SERGEF: variants seen among roughly 807,000 people sequenced by gnomAD.
SERGEF encodes the protein secretion-regulating guanine nucleotide exchange factor.
Under a neutral mutation model 50.0 loss-of-function variants are expected in SERGEF, and 51 were observed. The observed-to-expected ratio is 1.02, with a 90% CI of 0.81 to 1.29. The LOEUF (loss-of-function observed/expected upper bound fraction) is 1.29, where lower values mean the gene tolerates loss of function less well. SERGEF is among the 50% of genes most tolerant of loss of function. The pLI is 0.00. For synonymous variants in SERGEF, 205 were observed against 212.4 expected (o/e 0.97, Z 0.30); for missense variants, 521 against 557.0 (o/e 0.94, Z 0.65).
intron 8 of SERGEF, among the ~76,000 whole-genome samples, chr11:17,984,488 G>C (rs1486601359): frequency 6.6e-6 from 1 of 152,162 alleles, no homozygotes; most frequent in Non-Finnish European, 1.5e-5. Context: ...CATGAGAAAT[G>C]TACCCCAATG....
intron 10 of SERGEF, among the ~76,000 whole-genome samples, chr11:17,789,531 A>G (rs1849444672): frequency 6.6e-6 from 1 of 152,224 alleles, no homozygotes; most frequent in African/African-American, 2.4e-5. Flanking sequence ...GGTTTTAGAC[A>G]CTGTCCTAGG....
rs745573662 is a variant in SERGEF, at chr11:18,008,064, A to C, written c.73T>G (p.Tyr25Asp). ...AALFAWGANS[Y>D]GQLGLGHKED... is the part of the protein sequence containing the mutation. ...TTATGGCCGAGGCCAAGTTGCCCAT[A>C]GCTATTTGCACCCTAGGGATGAATA... The change falls in exon 2 of 11, where the codon TAT (tyrosine) becomes GAT (aspartate). Residue 25 changes from tyrosine (Y) to aspartate (D), a missense_variant. Coordinates refer to ENST00000265965, the MANE Select transcript of SERGEF (RefSeq NM_012139.4). 9 of 1,613,898 alleles carry C rather than the reference A, an allele frequency of 5.6e-6. No individual in the cohort carries two copies. Among genetic ancestry groups the C allele is most frequent in the African/African-American group, 1.3e-5 (1 of 74,914 alleles).
chr11:17,964,303 T>A (rs1348263787), intron 8 of SERGEF, among the ~76,000 whole-genome samples: 1 of 148,842 alleles, frequency 6.7e-6, no homozygotes, highest in African/African-American at 2.5e-5. Flanking sequence ...GTGGGTAGGG[T>A]GGGTGGATGA....
At chr11:17,795,184 T>A (rs188329046) in intron 10 of SERGEF, among the ~76,000 whole-genome samples, 15 of 152,282 alleles carry the variant, frequency 9.9e-5, no homozygotes, top group African/African-American at 3.6e-4. Context: ...CTGGTACATG[T>A]CAGGAAGGAT....
chr11:17,827,168 G>C (rs1006361602), intron 10 of SERGEF, among the ~76,000 whole-genome samples: 3 of 152,186 alleles, frequency 2.0e-5, no homozygotes, highest in Admixed American at 1.3e-4. Flanking sequence ...GGGCATGTAG[G>C]TAAACCTCTC....
intron 10 of SERGEF, among the ~76,000 whole-genome samples, chr11:17,870,467 A>G (rs1424334580): frequency 6.6e-6 from 1 of 152,224 alleles, no homozygotes; most frequent in East Asian, 1.9e-4. Flanking sequence ...GGTAGCCTTT[A>G]GTAGCTAGAA....
At chr11:17,858,373 T>C (rs1489628612) in intron 10 of SERGEF, among the ~76,000 whole-genome samples, 2 of 152,108 alleles carry the variant, frequency 1.3e-5, no homozygotes, top group Non-Finnish European at 2.9e-5. Context: ...TGACAGTCTA[T>C]GTAAAGGATG....
chr11:17,934,721 C>T (rs1852417819), intron 9 of SERGEF, among the ~76,000 whole-genome samples: 1 of 152,144 alleles, frequency 6.6e-6, no homozygotes, highest in Non-Finnish European at 1.5e-5. Context: ...ACTGACTAAC[C>T]TCAACCAAAT....
Position 17,884,718 on chromosome 11 carries a change from T to C in SERGEF, c.1012-6474A>G, listed in dbSNP as rs1851397336. On this transcript the variant is annotated intron_variant, in intron 9 of 10. Transcript: ENST00000265965. This position sits in a 1 kb window ranked among gnomAD's most constrained non-coding sequence, Gnocchi z 4.6. ...GCTTGAATTTGTATTTTATTTCATATATATGTGTATATGTTATATATACAT... is the reference window on the plus strand; with the variant it reads ...GCTTGAATTTGTATTTTATTTCATACATATGTGTATATGTTATATATACAT... 6.6e-6 allele frequency among the ~76,000 whole-genome samples: 1 copy of C among 152,180 alleles called. No homozygotes were observed. Among genetic ancestry groups the C allele is most frequent in the Non-Finnish European group, 1.5e-5 (1 of 68,024 alleles).
intron 10 of SERGEF, among the ~76,000 whole-genome samples, chr11:17,808,557 C>T (rs888207097): frequency 3.9e-5 from 6 of 152,182 alleles, no homozygotes; most frequent in African/African-American, 1.4e-4. Flanking sequence ...CAACAGGCCC[C>T]ACCTCCAACA....
intron 8 of SERGEF, among the ~76,000 whole-genome samples, chr11:17,962,499 TA>T (rs912561738): frequency 2.6e-5 from 4 of 152,154 alleles, no homozygotes; most frequent in Middle Eastern, 3.4e-3. Context: ...TTACTATGAT[TA>T]AAAAAAATAG....
At chr11:17,880,821 T>C (rs1163031953) in intron 9 of SERGEF, among the ~76,000 whole-genome samples, 2 of 152,110 alleles carry the variant, frequency 1.3e-5, no homozygotes, top group Non-Finnish European at 2.9e-5. Flanking sequence ...TGCATCATGG[T>C]GGTAAGATTG....
intron 9 of SERGEF, among the ~76,000 whole-genome samples, chr11:17,941,732 T>C (rs962384632): frequency 6.6e-6 from 1 of 152,246 alleles, no homozygotes; most frequent in Non-Finnish European, 1.5e-5. Context: ...GCAGCTGCAC[T>C]ATTTTACGTT....
At chr11:17,862,572 G>A (rs1158114992) in intron 10 of SERGEF, among the ~76,000 whole-genome samples, 2 of 152,230 alleles carry the variant, frequency 1.3e-5, no homozygotes, top group African/African-American at 4.8e-5. Context: ...AGTCATAGCT[G>A]TTCTACATTT....
intron 9 of SERGEF, among the ~76,000 whole-genome samples, chr11:17,880,076 C>T (rs505871): frequency 0.69 from 104,985 of 152,158 alleles, 37,040 homozygotes; most frequent in African/African-American, 0.83. Flanking sequence ...GCAGCAAGGC[C>T]TCCTAGGCTT....
Position 18,005,820 on chromosome 11 carries a change from C to G in SERGEF, c.352+771G>C, listed in dbSNP as rs76712976. Among the ~76,000 whole-genome samples the G allele has an allele frequency of 7.0e-3, 1,059 of 152,226 alleles. 70 individuals are homozygous for G. In the East Asian group the frequency reaches 0.15, roughly 22 times the overall value. ...GCTACCTGGCTTCACAAAGACCAAACAGATCTGCCTAACACATTTAGAAAA... is the reference window on the plus strand; with the variant it reads ...GCTACCTGGCTTCACAAAGACCAAAGAGATCTGCCTAACACATTTAGAAAA... On this transcript the variant is annotated intron_variant, in intron 3 of 10. Transcript: ENST00000265965.
chr11:17,960,211 T>G (rs146970793), intron 8 of SERGEF, among the ~76,000 whole-genome samples: 1 of 152,286 alleles, frequency 6.6e-6, no homozygotes, highest in East Asian at 1.9e-4. Flanking sequence ...AGGCAAGTGT[T>G]TATGTGTGCT....
In SERGEF at chr11:18,006,664, G is replaced by A. The variant is rs1854080952; in HGVS notation, c.279C>T (p.Thr93=). The A allele has an allele frequency of 3.1e-6, 5 of 1,613,972 alleles. No homozygotes were observed. Among genetic ancestry groups the A allele is most frequent in the Non-Finnish European group, 4.2e-6 (5 of 1,180,008 alleles). ...LGHTEDIPYF[T]PCKSLFGCPI... Reference sequence around the variant, plus strand: ...GACAGCCAAAGAGGGATTTGCAGGGGGTAAAATATGGGATATCCTCTGTGT... The same window carrying A: ...GACAGCCAAAGAGGGATTTGCAGGGAGTAAAATATGGGATATCCTCTGTGT... Residue 93 remains threonine (T), a synonymous_variant, in exon 3 of 11, where the codon ACC becomes ACT. Transcript: ENST00000265965.
intron 7 of SERGEF, among the ~76,000 whole-genome samples, chr11:17,990,328 T>C (rs1465088595): frequency 1.3e-5 from 2 of 152,234 alleles, no homozygotes; most frequent in Non-Finnish European, 1.5e-5. Flanking sequence ...GAAACCTTTT[T>C]GTCACTGGGG....
Sources: allele counts gnomAD v4.1 joint callset (sites outside exome capture counted in the v4.1 genomes callset), GRCh38; gene constraint gnomAD v4.1.1; non-coding constraint Gnocchi (gnomAD v3.1); transcripts MANE v1.5; gene names NCBI Gene and HGNC (gene_info 2026-07-23, HGNC 2026-07-21).